Variants in TMEM44 observed in about 807,000 individuals in gnomAD.
TMEM44 encodes transmembrane protein 44.
Under a neutral mutation model 47.8 loss-of-function variants are expected in TMEM44, and 43 were observed. The observed-to-expected ratio is 0.90, with a 90% confidence interval of 0.70 to 1.16. The LOEUF (loss-of-function observed/expected upper bound fraction) is 1.16, where lower values mean the gene tolerates loss of function less well. Ranked by LOEUF, TMEM44 falls within the 50% of genes most tolerant of loss-of-function variation. The pLI is 0.00. For missense variants in TMEM44, 568 were observed against 555.2 expected (o/e 1.02, Z -0.23); for synonymous variants, 277 against 238.8 (o/e 1.16, Z -1.48).
chr3:194,619,547 G>A (rs893056933), intron 5 of TMEM44, among the ~76,000 whole-genome samples: 1 of 152,180 alleles, frequency 6.6e-6, no homozygotes, highest in African/African-American at 2.4e-5. Flanking sequence ...TGGGTGTTTC[G>A]TACCCCTGTC....
In TMEM44 at chr3:194,623,207, C is replaced by T; in HGVS notation, c.612+17G>A. 1 of 1,595,320 alleles carries T rather than the reference C, an allele frequency of 6.3e-7. No individual in the cohort carries two copies. The highest frequency in any genetic ancestry group is 8.5e-7 in the Non-Finnish European group (1 of 1,170,336). On this transcript the variant is annotated intron_variant, in intron 5 of 9. Coordinates refer to ENST00000347147, the MANE Select transcript of TMEM44 (RefSeq NM_001011655.3). ...CTGTCATGTGACCCACAGTCCCATC[C>T]CCACCCCCGGCCTCACAATTCTGGA...
chr3:194,627,666 T>C (rs987752854), intron 2 of TMEM44, among the ~76,000 whole-genome samples: 1 of 152,128 alleles, frequency 6.6e-6, no homozygotes, highest in Admixed American at 6.5e-5. Context: ...GACACTCTAA[T>C]GGGAGTTCAC....
At chr3:194,626,723 A>T (rs1629956) in intron 2 of TMEM44, among the ~76,000 whole-genome samples, 2 of 138,386 alleles carry the variant, frequency 1.4e-5, no homozygotes, top group African/African-American at 2.8e-5. Context: ...TCGCTCTGTC[A>T]CCCAGGCTGG....
At chr3:194,607,057 C>T (rs970029840) in intron 8 of TMEM44, among the ~76,000 whole-genome samples, 3 of 152,062 alleles carry the variant, frequency 2.0e-5, no homozygotes, top group African/African-American at 4.8e-5. Context: ...TTGGCCCCAG[C>T]GTGTCTCATG....
At chr3:194,604,559 C>G in intron 8 of TMEM44, 114 bp from the exon 9 acceptor site, 1 of 1,329,182 alleles carries the variant, frequency 7.5e-7, no homozygotes. Flanking sequence ...GTGTGCAGGG[C>G]AGCATCTACC....
At position 194,625,833 on chromosome 3, in the gene TMEM44, G is replaced by A. The variant is rs1265497920; in HGVS notation, c.358+64C>T. The A allele has an allele frequency of 3.6e-6, 5 of 1,393,524 alleles. No individual in the cohort carries two copies. The African/African-American group carries it at 7.1e-5, about 20-fold the overall frequency. The allele number at this position is 1,393,524 out of a possible 1,614,324, so 86.3% of individuals were successfully genotyped here. A position where few individuals can be genotyped will look rare whatever the true frequency, so the allele number is the denominator to read the frequency against. On this transcript the variant is annotated intron_variant, in intron 3 of 9. Coordinates refer to ENST00000347147, the MANE Select transcript of TMEM44 (RefSeq NM_001011655.3). ...CCCGCTCTGGGAGTGATAAGGAGTA[G>A]GCATTCGGCGTGCTGATGAATGAAT...
rs763683392 is a variant in TMEM44 at position 194,604,276 on chromosome 3, C to A, written c.1176+11G>T. 14 of 1,574,384 alleles carry A rather than the reference C, an allele frequency of 8.9e-6. No homozygotes were observed. Among genetic ancestry groups the A allele is most frequent in the African/African-American group, 1.4e-5 (1 of 73,870 alleles). On this transcript the variant is annotated intron_variant, in intron 9 of 9. Transcript: ENST00000347147. ...ACCCACGCACCCGCCCAGCAGGCAA[C>A]AGCCGTGTACCTCCAGGTCGGAGTT...
chr3:194,617,576 A>G, intron 5 of TMEM44: 1 of 681,282 alleles, frequency 1.5e-6, no homozygotes, highest in South Asian at 1.6e-5. Flanking sequence ...CCTTTGATTG[A>G]TCATGACTCA....
At chr3:194,609,506 T>C (rs888291676) in intron 8 of TMEM44, among the ~76,000 whole-genome samples, 6 of 151,964 alleles carry the variant, frequency 3.9e-5, no homozygotes, top group African/African-American at 1.2e-4. Context: ...ACTCTCAGAA[T>C]GGAATGATGG....
chr3:194,604,405 G>T lies in TMEM44; in HGVS notation c.1058C>A (p.Thr353Lys). 3 of 1,535,560 alleles carry T rather than the reference G, an allele frequency of 2.0e-6. No individual in the cohort carries two copies. The highest frequency in any genetic ancestry group is 2.4e-5 in the South Asian group (2 of 82,986). The change falls in exon 9 of 10, where the codon ACG becomes AAG. Residue 353 changes from threonine to lysine, a missense_variant. Physicochemically the swap from Thr to Lys is moderately conservative, Grantham distance 78. Transcript: ENST00000347147. The stretch of plus-strand genomic sequence containing the variant: ...CTGCAGGGACGCATCTCCGGCGCTC[G>T]TCTGCCCGTCACCTGGCAGCCTGGT... ...SATRLPGDGQ[T>K]SAGDASLQDP...
At chr3:194,606,791 C>G (rs992820308) in intron 8 of TMEM44, among the ~76,000 whole-genome samples, 1 of 151,586 alleles carries the variant, frequency 6.6e-6, no homozygotes, top group Admixed American at 6.6e-5. Flanking sequence ...AATACACACA[C>G]ACAAAATAGC....
At chr3:194,607,926 T>C (rs1025906443) in intron 8 of TMEM44, among the ~76,000 whole-genome samples, 3 of 152,172 alleles carry the variant, frequency 2.0e-5, no homozygotes, top group Non-Finnish European at 4.4e-5. Context: ...AAGACGCACT[T>C]GTGGGCTTCA....
At chr3:194,598,353 A>G (rs1441278243) in intron 9 of TMEM44, among the ~76,000 whole-genome samples, 1 of 152,164 alleles carries the variant, frequency 6.6e-6, no homozygotes, top group Non-Finnish European at 1.5e-5. Flanking sequence ...CGTCTGTAAA[A>G]TGGGAATAAT....
chr3:194,610,291 T>C (rs2109182315), intron 8 of TMEM44, among the ~76,000 whole-genome samples: 1 of 151,508 alleles, frequency 6.6e-6, no homozygotes, highest in South Asian at 2.1e-4. Flanking sequence ...CCCTTTCATC[T>C]CCCCTCACTC....
chr3:194,617,610 C>A (rs1716052397), intron 5 of TMEM44: 2 of 701,164 alleles, frequency 2.9e-6, no homozygotes. Context: ...TCAGAGAGCT[C>A]CTGAGGGCTG....
intron 9 of TMEM44, among the ~76,000 whole-genome samples, chr3:194,602,210 G>T (rs1308186129): frequency 2.0e-5 from 3 of 152,250 alleles, no homozygotes; most frequent in African/African-American, 4.8e-5. Flanking sequence ...TCAGGGGCCA[G>T]CTGTGCTCCA....
chr3:194,595,138 G>A (rs114091593), intron 9 of TMEM44, among the ~76,000 whole-genome samples: 2,560 of 152,222 alleles, frequency 0.017, 85 homozygotes, highest in Admixed American at 0.089. Context: ...GATTAAATAT[G>A]CCTCTGAAAC....
chr3:194,609,428 A>G (rs1715087550), intron 8 of TMEM44, among the ~76,000 whole-genome samples: 1 of 152,134 alleles, frequency 6.6e-6, no homozygotes. Flanking sequence ...AGAGCCTGTG[A>G]GGGTGGCAGG....
chr3:194,614,299 C>T (rs764128471), intron 7 of TMEM44, among the ~76,000 whole-genome samples: 12 of 152,092 alleles, frequency 7.9e-5, no homozygotes, highest in South Asian at 2.1e-4. Context: ...CTGGGCATGA[C>T]GACAGGCTCT....
Sources: gnomAD v4.1 joint callset for allele counts (sites outside exome capture counted in the v4.1 genomes callset) on GRCh38, gnomAD v4.1.1 for gene constraint, MANE v1.5 for transcripts, NCBI Gene and HGNC (gene_info 2026-07-23, HGNC 2026-07-21) for gene names.